The following SPATA16 variants were observed in gnomAD, a reference collection of about 807,000 sequenced individuals.
The protein encoded by SPATA16 is spermatogenesis-associated protein 16.
SPATA16 carries 36 observed loss-of-function variants against 63.3 expected under a neutral mutation model. That is an observed-to-expected ratio of 0.57 (90% CI 0.44 to 0.75). The LOEUF is 0.75. Among genes scored for constraint, SPATA16 ranks in the 30% least tolerant of loss-of-function variants. SPATA16 has a pLI of 0.00. For missense variants in SPATA16, 646 were observed against 679.3 expected (o/e 0.95, Z 0.54); for synonymous variants, 203 against 216.7 (o/e 0.94, Z 0.56).
intron 2 of SPATA16, among the ~76,000 whole-genome samples, chr3:173,100,383 A>C (rs746642585): frequency 6.6e-6 from 1 of 152,176 alleles, no homozygotes; most frequent in African/African-American, 2.4e-5. Context: ...CCATTGCTGA[A>C]TGAAATTTTA....
chr3:172,976,167 G>T (rs946657475), intron 5 of SPATA16, among the ~76,000 whole-genome samples: 1 of 152,070 alleles, frequency 6.6e-6, no homozygotes, highest in Non-Finnish European at 1.5e-5. Context: ...TTGGAAATGG[G>T]TTTCATGTGG....
intron 4 of SPATA16, among the ~76,000 whole-genome samples, chr3:173,015,863 T>G (rs1310827516): frequency 4.6e-4 from 4 of 8,788 alleles, no homozygotes; most frequent in Admixed American, 4.1e-3. Flanking sequence ...CCAAATGGGG[T>G]GTGTGTGTGT....
chr3:172,961,066 C>A (rs1462937978), intron 5 of SPATA16, among the ~76,000 whole-genome samples: 3 of 34,802 alleles, frequency 8.6e-5, no homozygotes, highest in Admixed American at 3.4e-4. Context: ...TTTCTTTCTT[C>A]TTTCTTCCTT....
At chr3:172,984,104 G>A (rs1291536494) in intron 4 of SPATA16, among the ~76,000 whole-genome samples, 2 of 152,004 alleles carry the variant, frequency 1.3e-5, no homozygotes, top group Admixed American at 1.3e-4. Flanking sequence ...GCCATCTGTG[G>A]TTATTTATAT....
intron 2 of SPATA16, among the ~76,000 whole-genome samples, chr3:173,089,621 G>A (rs1335693326): frequency 3.3e-5 from 5 of 152,180 alleles, no homozygotes; most frequent in Non-Finnish European, 5.9e-5. Context: ...AGACATGGTG[G>A]TGGTGGATTG....
intron 2 of SPATA16, among the ~76,000 whole-genome samples, chr3:173,070,177 T>G (rs146560311): frequency 0.093 from 14,197 of 152,066 alleles, 851 homozygotes; most frequent in Non-Finnish European, 0.13. Context: ...GGTGGATCAC[T>G]TGAGGCCAGA....
intron 4 of SPATA16, among the ~76,000 whole-genome samples, chr3:172,978,460 G>A (rs558458814): frequency 2.6e-5 from 4 of 152,196 alleles, no homozygotes; most frequent in African/African-American, 7.2e-5. Flanking sequence ...AAGTTTACTC[G>A]ACATGGAGGT....
intron 6 of SPATA16, among the ~76,000 whole-genome samples, chr3:172,947,055 A>T (rs1235204314): frequency 6.6e-6 from 1 of 152,184 alleles, no homozygotes; most frequent in Non-Finnish European, 1.5e-5. Flanking sequence ...TCTACCTGGT[A>T]GTCCAGGGAA....
chr3:172,913,771 G>C (rs748195429), intron 9 of SPATA16, 27 bp from the exon 10 acceptor site: 2 of 1,596,626 alleles, frequency 1.3e-6, no homozygotes, highest in South Asian at 2.2e-5. Context: ...AAAATTATCA[G>C]TGTGGAATTC....
intron 6 of SPATA16, 93 bp downstream of exon 6, chr3:172,956,584 C>T: frequency 7.0e-7 from 1 of 1,435,992 alleles, no homozygotes; most frequent in Non-Finnish European, 9.5e-7. Flanking sequence ...ACTCCTAAAA[C>T]AGAAACAATA....
chr3:173,052,247 A>G (rs1736117606), intron 2 of SPATA16, among the ~76,000 whole-genome samples: 1 of 152,176 alleles, frequency 6.6e-6, no homozygotes, highest in South Asian at 2.1e-4. Context: ...ACACTGAGAG[A>G]AAGTGAAGAG....
chr3:173,007,292 G>C (rs1013502354), intron 4 of SPATA16, among the ~76,000 whole-genome samples: 2 of 152,122 alleles, frequency 1.3e-5, no homozygotes, highest in African/African-American at 2.4e-5. Flanking sequence ...GAAGGGAATG[G>C]GAAATTCTGA....
At chr3:172,953,327 G>T (rs1733492574) in intron 6 of SPATA16, among the ~76,000 whole-genome samples, 1 of 152,116 alleles carries the variant, frequency 6.6e-6, no homozygotes, top group African/African-American at 2.4e-5. Context: ...GCTTGCTGGA[G>T]AATGCAGCAA....
chr3:172,938,091 A>G (rs1241347249), intron 6 of SPATA16, among the ~76,000 whole-genome samples: 1 of 152,210 alleles, frequency 6.6e-6, no homozygotes, highest in African/African-American at 2.4e-5. Flanking sequence ...TCCACTAAAT[A>G]TGCCCATTAC....
intron 10 of SPATA16, among the ~76,000 whole-genome samples, chr3:172,900,199 G>A (rs1317285536): frequency 6.6e-6 from 1 of 152,026 alleles, no homozygotes; most frequent in Non-Finnish European, 1.5e-5. Context: ...GTTTGCATTG[G>A]GTTGGCAATT....
At chr3:173,061,152 A>G (rs546480522) in intron 2 of SPATA16, among the ~76,000 whole-genome samples, 1 of 152,322 alleles carries the variant, frequency 6.6e-6, no homozygotes, top group East Asian at 1.9e-4. Context: ...ATCATATCTC[A>G]AAGTGAAGTA....
At chr3:173,078,907 AAG>A (rs1205575298) in intron 2 of SPATA16, among the ~76,000 whole-genome samples, 1 of 152,152 alleles carries the variant, frequency 6.6e-6, no homozygotes, top group African/African-American at 2.4e-5. Flanking sequence ...TGAGGAATAG[AAG>A]AAAACAGGTC....
At chr3:172,990,520 G>A (rs915188416) in intron 4 of SPATA16, among the ~76,000 whole-genome samples, 41 of 152,266 alleles carry the variant, frequency 2.7e-4, no homozygotes, top group Non-Finnish European at 2.2e-4. Context: ...CTCTGAGGTA[G>A]GGGAGGATAG....
intron 2 of SPATA16, among the ~76,000 whole-genome samples, chr3:173,062,997 G>C (rs750438045): frequency 6.6e-6 from 1 of 152,176 alleles, no homozygotes; most frequent in Non-Finnish European, 1.5e-5. Context: ...ACCTCCTGCT[G>C]TGCGGCCCTG....
Sources: allele counts gnomAD v4.1 joint callset (sites outside exome capture counted in the v4.1 genomes callset), GRCh38; gene constraint gnomAD v4.1.1; transcripts MANE v1.5; gene names NCBI Gene and HGNC (gene_info 2026-07-23, HGNC 2026-07-21).